The following RRAGD variants were observed in gnomAD, a reference collection of about 807,000 sequenced individuals.
The protein encoded by RRAGD is Ras related GTP binding D.
A neutral mutation model predicts 35.5 loss-of-function variants in RRAGD; 12 were observed. The ratio of observed to expected loss-of-function variants is 0.34; its 90% CI spans 0.22 to 0.55. RRAGD has a LOEUF of 0.55. Among genes scored for constraint, RRAGD ranks in the 20% least tolerant of loss-of-function variants. RRAGD has a pLI of 0.91. For missense variants in RRAGD, 324 were observed against 490.1 expected, an observed-to-expected ratio of 0.66 and a Z score of 3.20; for synonymous variants, 155 against 178.9, an observed-to-expected ratio of 0.87 and a Z score of 1.07.
intron 1 of RRAGD, among the ~76,000 whole-genome samples, chr6:89,398,681 G>A (rs887763955): frequency 1.1e-4 from 16 of 152,180 alleles, no homozygotes; most frequent in Non-Finnish European, 1.5e-4. Flanking sequence ...CCTACAATGT[G>A]CCAGGCACTA....
intron 1 of RRAGD, among the ~76,000 whole-genome samples, chr6:89,409,256 G>C (rs891381439): frequency 3.3e-5 from 5 of 152,168 alleles, no homozygotes; most frequent in African/African-American, 4.8e-5. Context: ...CACAGCTCCT[G>C]ATAAATTGCT....
chr6:89,372,921 C>T (rs945648114), intron 5 of RRAGD, among the ~76,000 whole-genome samples: 4 of 152,184 alleles, frequency 2.6e-5, no homozygotes, highest in African/African-American at 4.8e-5. Context: ...CTGTCAAAAG[C>T]GTGGTCTGAT....
intron 5 of RRAGD, among the ~76,000 whole-genome samples, chr6:89,377,398 G>A (rs981704965): frequency 1.1e-4 from 16 of 152,186 alleles, no homozygotes; most frequent in African/African-American, 3.9e-4. Context: ...AGGATCATTT[G>A]AGCCCAGGAG....
At chr6:89,391,779 C>G (rs1446179714) in intron 1 of RRAGD, among the ~76,000 whole-genome samples, 1 of 151,584 alleles carries the variant, frequency 6.6e-6, no homozygotes, top group Non-Finnish European at 1.5e-5. Flanking sequence ...ATGTCAAAAC[C>G]CCATCTCTAC....
chr6:89,395,744 T>C (rs1056518084), intron 1 of RRAGD, among the ~76,000 whole-genome samples: 2 of 152,194 alleles, frequency 1.3e-5, no homozygotes, highest in East Asian at 1.9e-4. Context: ...ACAAAAAATA[T>C]GTAAAACATG....
chr6:89,380,634 G>A (rs951131141), intron 2 of RRAGD, among the ~76,000 whole-genome samples: 1 of 152,190 alleles, frequency 6.6e-6, no homozygotes, highest in Non-Finnish European at 1.5e-5. Context: ...TTGGCTGGGC[G>A]TGGTGGCTCA....
Position 89,412,023 on chromosome 6 carries a change from G to A in RRAGD, c.-30C>T, listed in dbSNP as rs1472208704. On this transcript the variant is annotated 5_prime_UTR_variant, in exon 1 of 7. Transcript: ENST00000369415. This position sits in a 1 kb window ranked among gnomAD's most constrained non-coding sequence, Gnocchi z 4.2. Reference sequence around the variant, plus strand: ...CCCACCGGCCGGCCGGCCCGGGGACGGCGGGGGTCCCGGGGTGGGGGCCAA... The same window carrying A: ...CCCACCGGCCGGCCGGCCCGGGGACAGCGGGGGTCCCGGGGTGGGGGCCAA... The A allele has an allele frequency of 6.6e-7, 1 of 1,518,954 alleles. No individual in the cohort carries two copies. The highest frequency in any genetic ancestry group is 1.2e-5 in the South Asian group (1 of 82,032). 94.1% of individuals were successfully genotyped at this position (1,518,954 alleles called of 1,614,324 possible).
intron 4 of RRAGD, among the ~76,000 whole-genome samples, chr6:89,378,829 C>T (rs1205039720): frequency 6.6e-6 from 1 of 152,016 alleles, no homozygotes; most frequent in Admixed American, 6.5e-5. Context: ...ACAATCATGG[C>T]TCACTTTAGC....
chr6:89,393,796 A>G (rs1648961644), intron 1 of RRAGD, among the ~76,000 whole-genome samples: 1 of 152,228 alleles, frequency 6.6e-6, no homozygotes, highest in Non-Finnish European at 1.5e-5. Flanking sequence ...AGCTAAATAT[A>G]CTTCAGAGAC....
chr6:89,392,549 T>G (rs984833829), intron 1 of RRAGD, among the ~76,000 whole-genome samples: 19 of 152,142 alleles, frequency 1.2e-4, no homozygotes, highest in African/African-American at 4.3e-4. Flanking sequence ...AATTTCTTAT[T>G]TCCTTCTTAA....
chr6:89,377,913 A>C, intron 4 of RRAGD, 100 bp from the exon 5 acceptor site: 1 of 895,814 alleles, frequency 1.1e-6, no homozygotes, highest in Non-Finnish European at 1.7e-6. Context: ...AAAATACAAA[A>C]TGAGCAAAAC....
At chr6:89,399,767 A>ATTTTTT (rs71556518) in intron 1 of RRAGD, among the ~76,000 whole-genome samples, 2 of 130,822 alleles carry the variant, frequency 1.5e-5, no homozygotes, top group African/African-American at 3.0e-5. Context: ...ATGCCCAGCT[A>ATTTTTT]TTTTTTTTTT....
In RRAGD at chr6:89,377,757, T is replaced by G; in HGVS notation, c.816A>C (p.Ala272=). ...GCATATCCACCGGAGTACTATCAGT[T>G]GCAATATAAATTTTACTGACCACAT... ...LFDVVSKIYI[A]TDSTPVDMQT... Residue 272 remains alanine, a synonymous_variant, in exon 5 of 7, where the codon GCA becomes GCC. Coordinates refer to ENST00000369415, the MANE Select transcript of RRAGD (RefSeq NM_021244.5). 1 of 1,611,076 alleles carries G rather than the reference T, an allele frequency of 6.2e-7. No homozygotes were observed. The highest frequency in any genetic ancestry group is 8.5e-7 in the Non-Finnish European group (1 of 1,178,322).
At chr6:89,403,276 T>C (rs968101660) in intron 1 of RRAGD, among the ~76,000 whole-genome samples, 2 of 152,014 alleles carry the variant, frequency 1.3e-5, no homozygotes, top group African/African-American at 2.4e-5. Context: ...AAACCCCGTG[T>C]CTACTAAAAA....
At chr6:89,378,868 C>T (rs997223273) in intron 4 of RRAGD, among the ~76,000 whole-genome samples, 1 of 152,248 alleles carries the variant, frequency 6.6e-6, no homozygotes, top group Non-Finnish European at 1.5e-5. Context: ...AGTAAGTACT[C>T]CTTCCACCAC....
intron 1 of RRAGD, among the ~76,000 whole-genome samples, chr6:89,396,557 G>T (rs936664053): frequency 1.3e-5 from 2 of 151,462 alleles, no homozygotes; most frequent in Non-Finnish European, 2.9e-5. Flanking sequence ...CTCCAGAGGA[G>T]CTGGGACTAC....
At chr6:89,395,517 T>A (rs1424494528) in intron 1 of RRAGD, among the ~76,000 whole-genome samples, 1 of 152,252 alleles carries the variant, frequency 6.6e-6, no homozygotes, top group East Asian at 1.9e-4. Context: ...TGTTTTATGT[T>A]TAATTCCAAA....
chr6:89,388,246 G>C (rs913903420), intron 1 of RRAGD, among the ~76,000 whole-genome samples: 1 of 152,136 alleles, frequency 6.6e-6, no homozygotes, highest in African/African-American at 2.4e-5. Flanking sequence ...AATTAAAATC[G>C]ATTAAAATTA....
At position 89,366,634 on chromosome 6, in the gene RRAGD, A is replaced by AC. The variant is rs1768753731; in HGVS notation, c.*1421_*1422insG. ...GGAGGCTCTGCTTTAAAAAAAAAAA[A>AC]ATCTCATTTTCTAATGCCCCACAAG... On this transcript the variant is annotated 3_prime_UTR_variant, in exon 7 of 7. Transcript: ENST00000369415. The AC allele has an allele frequency of 6.6e-6, 1 of 152,070 alleles. No homozygotes were observed. Among genetic ancestry groups the AC allele is most frequent in the East Asian group, 1.9e-4 (1 of 5,194 alleles). 9.4% of individuals were successfully genotyped at this position (152,070 alleles called of 1,614,324 possible).
Sources: allele counts gnomAD v4.1 joint callset (sites outside exome capture counted in the v4.1 genomes callset), GRCh38; gene constraint gnomAD v4.1.1; non-coding constraint Gnocchi (gnomAD v3.1); transcripts MANE v1.5; gene names NCBI Gene and HGNC (gene_info 2026-07-23, HGNC 2026-07-21).